Variants in GRM3 observed in about 807,000 individuals in gnomAD.
The protein encoded by GRM3 is glutamate metabotropic receptor 3.
GRM3 carries 26 observed loss-of-function variants against 70.5 expected under a neutral mutation model. The observed-to-expected ratio is 0.37, with a 90% CI of 0.27 to 0.51. The LOEUF is 0.51. Among genes scored for constraint, GRM3 ranks in the 20% least tolerant of loss-of-function variants. The pLI, the probability that GRM3 is intolerant of heterozygous loss-of-function variation, is 0.93. For synonymous variants in GRM3, 443 were observed against 434.9 expected (o/e 1.02, Z -0.23); for missense variants, 859 against 1,123.8 (o/e 0.76, Z 3.37).
intron 1 of GRM3, among the ~76,000 whole-genome samples, chr7:86,672,712 T>C (rs1377972572): frequency 6.6e-6 from 1 of 152,120 alleles, no homozygotes. Context: ...TCTCAAAGCA[T>C]CACATTGTCT....
At chr7:86,751,487 T>C (rs1796229590) in intron 1 of GRM3, among the ~76,000 whole-genome samples, 1 of 152,118 alleles carries the variant, frequency 6.6e-6, no homozygotes, top group African/African-American at 2.4e-5. Context: ...GTTTAAATCA[T>C]TGAACATAAT....
intron 5 of GRM3, among the ~76,000 whole-genome samples, chr7:86,860,019 G>A (rs182926488): frequency 1.3e-5 from 2 of 152,188 alleles, no homozygotes; most frequent in Admixed American, 1.3e-4. Flanking sequence ...TTTTCACTTT[G>A]AATGGCAAAA....
chr7:86,769,085 A>G (rs1411568940), intron 2 of GRM3, among the ~76,000 whole-genome samples: 2 of 152,068 alleles, frequency 1.3e-5, no homozygotes, highest in African/African-American at 4.8e-5. Flanking sequence ...CGAGGGAAAC[A>G]TTTTTGGAGA....
chr7:86,819,744 C>T (rs1331727429), intron 3 of GRM3, among the ~76,000 whole-genome samples: 1 of 152,126 alleles, frequency 6.6e-6, no homozygotes, highest in African/African-American at 2.4e-5. Flanking sequence ...AAACCATCTC[C>T]TTCTCCTTCA....
intron 1 of GRM3, among the ~76,000 whole-genome samples, chr7:86,707,635 T>C (rs1290147374): frequency 2.0e-5 from 3 of 152,084 alleles, no homozygotes; most frequent in Non-Finnish European, 2.9e-5. Context: ...AAGTGGCTTG[T>C]AATTGTGCCT....
rs375041208 is a variant in GRM3, at chr7:86,743,115, C to T, written c.-140-21891C>T. Among the ~76,000 whole-genome samples the T allele has an allele frequency of 1.9e-4, 29 of 152,242 alleles. 1 individual carries two copies. The East Asian group carries it at 5.2e-3, about 27-fold the overall frequency. On this transcript the variant is annotated intron_variant, in intron 1 of 5. Transcript: ENST00000361669. ...GCACTCTTCTCACTATGTTATATTA[C>T]ATGATCGTATCTCTTTGAAGATGAA... is the stretch of plus-strand genomic sequence containing the variant.
At chr7:86,811,863 C>A (rs2116657824) in intron 3 of GRM3, among the ~76,000 whole-genome samples, 1 of 150,220 alleles carries the variant, frequency 6.7e-6, no homozygotes, top group South Asian at 2.2e-4. Flanking sequence ...ACCTATTGTA[C>A]TCATTTGTTA....
intron 3 of GRM3, among the ~76,000 whole-genome samples, chr7:86,814,737 C>T (rs1454288613): frequency 6.6e-6 from 1 of 151,086 alleles, no homozygotes; most frequent in African/African-American, 2.4e-5. Flanking sequence ...GAGTTAGGCT[C>T]TTTAAAGTCA....
chr7:86,660,745 A>C (rs532894476), intron 1 of GRM3, among the ~76,000 whole-genome samples: 1 of 152,156 alleles, frequency 6.6e-6, no homozygotes, highest in African/African-American at 2.4e-5. Flanking sequence ...CATGATGCTA[A>C]GTATTAATTT....
intron 1 of GRM3, among the ~76,000 whole-genome samples, chr7:86,735,275 T>C (rs552453865): frequency 6.6e-6 from 1 of 152,248 alleles, no homozygotes; most frequent in East Asian, 1.9e-4. Flanking sequence ...CACTCCTCAG[T>C]ACAAATAAAT....
At chr7:86,645,120 C>T in intron 1 of GRM3, 1 of 343,264 alleles carries the variant, frequency 2.9e-6, no homozygotes, top group South Asian at 2.2e-5. Flanking sequence ...GATCTGCGGC[C>T]AGGGTGCGAG....
At chr7:86,827,795 C>T (rs777896498) in intron 3 of GRM3, among the ~76,000 whole-genome samples, 4 of 152,158 alleles carry the variant, frequency 2.6e-5, no homozygotes, top group Admixed American at 6.5e-5. Context: ...TGAGCCACCA[C>T]GCCCACTGTC....
At chr7:86,779,036 A>C (rs1349361660) in intron 2 of GRM3, among the ~76,000 whole-genome samples, 1 of 152,174 alleles carries the variant, frequency 6.6e-6, no homozygotes, top group Non-Finnish European at 1.5e-5. Flanking sequence ...GATCCTAAAA[A>C]GAAGGCTCTA....
At chr7:86,725,870 G>A (rs1795581047) in intron 1 of GRM3, among the ~76,000 whole-genome samples, 1 of 152,140 alleles carries the variant, frequency 6.6e-6, no homozygotes, top group African/African-American at 2.4e-5. Flanking sequence ...GGGGAAGGAG[G>A]AAGAAGAGGA....
chr7:86,840,080 A>G (rs1051204565), intron 4 of GRM3, among the ~76,000 whole-genome samples, 175 bp downstream of exon 4: 1 of 152,242 alleles, frequency 6.6e-6, no homozygotes, highest in Non-Finnish European at 1.5e-5. Context: ...GCATTTAATT[A>G]GTACCTACCA....
At chr7:86,780,268 T>C (rs1797012412) in intron 2 of GRM3, among the ~76,000 whole-genome samples, 1 of 152,218 alleles carries the variant, frequency 6.6e-6, no homozygotes, top group Non-Finnish European at 1.5e-5. Context: ...AAATGGTATT[T>C]CTAGTTCTAG....
At chr7:86,796,418 C>T (rs886219272) in intron 3 of GRM3, among the ~76,000 whole-genome samples, 4 of 152,124 alleles carry the variant, frequency 2.6e-5, no homozygotes, top group African/African-American at 9.7e-5. Flanking sequence ...TTCCATTGGT[C>T]CATGTGTCTG....
chr7:86,752,016 T>C lies in GRM3; in HGVS notation c.-140-12990T>C, dbSNP rs369611047. ...CTGCTTTTGTTATTTTAAATTTTCA[T>C]TGAAGTGTAATATACATACAGAAAA... On this transcript the variant is annotated intron_variant, in intron 1 of 5. Transcript: ENST00000361669. Among the ~76,000 whole-genome samples the C allele has an allele frequency of 9.2e-5, 14 of 152,134 alleles. No individual in the cohort carries two copies. The East Asian group carries it at 9.6e-4, about 10-fold the overall frequency.
At chr7:86,783,527 G>C (rs1038027137) in intron 2 of GRM3, among the ~76,000 whole-genome samples, 5 of 152,086 alleles carry the variant, frequency 3.3e-5, no homozygotes, top group African/African-American at 1.2e-4. Context: ...GTGTGTGTGT[G>C]TGTGTATGTA....
Sources: gnomAD v4.1 joint callset for allele counts (sites outside exome capture counted in the v4.1 genomes callset) on GRCh38, gnomAD v4.1.1 for gene constraint, MANE v1.5 for transcripts, NCBI Gene and HGNC (gene_info 2026-07-23, HGNC 2026-07-21) for gene names.